SPATA7: variants seen among roughly 807,000 people sequenced by gnomAD.
The protein encoded by SPATA7 is spermatogenesis-associated protein 7.
A neutral mutation model predicts 51.8 loss-of-function variants in SPATA7; 43 were observed. That is an observed-to-expected ratio of 0.83 (90% CI 0.65 to 1.07). The LOEUF is 1.07. Ranked by LOEUF, SPATA7 falls within the 50% of genes least tolerant of loss-of-function variation. The pLI is 0.00. For synonymous variants in SPATA7, 230 were observed against 252.8 expected (o/e 0.91, Z 0.86); for missense variants, 683 against 701.3 (o/e 0.97, Z 0.30).
chr14:88,430,035 A>G (rs1176996583), intron 8 of SPATA7, among the ~76,000 whole-genome samples: 1 of 152,114 alleles, frequency 6.6e-6, no homozygotes, highest in African/African-American at 2.4e-5. Context: ...ATTAAGGAAT[A>G]TTATACATTA....
chr14:88,437,888 A>G lies in SPATA7; in HGVS notation c.1266A>G (p.Thr422=), dbSNP rs370543925. Reference sequence around the variant, plus strand: ...TCCTGAAAGTAGACTTAGGCTGCACATCGGAGGAAAACTCGGTAAAGCAAA... The same window carrying G: ...TCCTGAAAGTAGACTTAGGCTGCACGTCGGAGGAAAACTCGGTAAAGCAAA... ...LHVLKVDLGC[T]SEENSVKQND... The change falls in exon 12 of 12, where the codon ACA becomes ACG. Residue 422 remains threonine (T), a synonymous_variant. Transcript: ENST00000393545. 7 of 1,610,610 alleles carry G rather than the reference A, an allele frequency of 4.3e-6. No individual in the cohort carries two copies. Among genetic ancestry groups the G allele is most frequent in the Admixed American group, 1.7e-5 (1 of 59,616 alleles).
rs760373460 is a variant in SPATA7 at position 88,426,456 on chromosome 14, T to A, written c.597T>A (p.Tyr199Ter). The change falls in exon 6 of 12, where the codon TAT becomes TAA. Residue 199 changes from tyrosine to a stop codon, truncating the protein, a stop_gained. Transcript: ENST00000393545. LOFTEE classifies it high-confidence loss of function. ...GPRKLSSGALYGRRPRSTFPN... is the reference protein window; with the variant it reads ...GPRKLSSGAL Reference sequence around the variant, plus strand: ...GGAAACTGAGCTCTGGAGCCCTGTATGGCAGAAGGCCCAGAAGCACATTCC... The same window carrying A: ...GGAAACTGAGCTCTGGAGCCCTGTAAGGCAGAAGGCCCAGAAGCACATTCC... 1 of 1,614,082 alleles carries A rather than the reference T, an allele frequency of 6.2e-7. No individual in the cohort carries two copies. Among genetic ancestry groups the A allele is most frequent in the Admixed American group, 1.7e-5 (1 of 59,998 alleles).
intron 1 of SPATA7, among the ~76,000 whole-genome samples, chr14:88,390,417 T>C (rs193008381): frequency 5.3e-5 from 8 of 152,210 alleles, no homozygotes; most frequent in Admixed American, 5.2e-4. Context: ...CTTTATAAGG[T>C]TCAGGATGGC....
At position 88,427,643 on chromosome 14, in the gene SPATA7, T is replaced by C. The variant is rs2076833001; in HGVS notation, c.859T>C (p.Leu287=). ...TQTELSFKSE[L]GTAETKNMTD... is the part of the protein sequence containing the mutation. Reference sequence around the variant, plus strand: ...AAATTATTACAGCTTTAAATCTGAGTTGGGGACAGCTGAGACTAAAAACAT... The same window carrying C: ...AAATTATTACAGCTTTAAATCTGAGCTGGGGACAGCTGAGACTAAAAACAT... The change falls in exon 7 of 12, where the codon TTG becomes CTG. Residue 287 remains leucine, a synonymous_variant. Transcript: ENST00000393545. 1 of 1,606,828 alleles carries C rather than the reference T, an allele frequency of 6.2e-7. No individual in the cohort carries two copies. The highest frequency in any genetic ancestry group is 8.5e-7 in the Non-Finnish European group (1 of 1,174,190).
chr14:88,392,512 A>T lies in SPATA7; in HGVS notation c.95-881A>T, dbSNP rs1279271478. On this transcript the variant is annotated intron_variant, in intron 2 of 11. Coordinates refer to ENST00000393545, the MANE Select transcript of SPATA7 (RefSeq NM_018418.5). ...GAACAATGCATGGTAAATGGCATTT[A>T]TTCAGTAAATATTTTTAGTAGTGGC... Among the ~76,000 whole-genome samples the T allele has an allele frequency of 1.2e-4, 19 of 152,216 alleles. 1 individual carries two copies. The highest frequency in any genetic ancestry group is 1.2e-3 in the Admixed American group (18 of 15,286).
At chr14:88,386,386 AAC>A (rs2075577968) in intron 1 of SPATA7, among the ~76,000 whole-genome samples, 1 of 152,198 alleles carries the variant, frequency 6.6e-6, no homozygotes, top group African/African-American at 2.4e-5. Context: ...GGGTTTCTGT[AAC>A]TTTCTGTGAA....
In SPATA7 at chr14:88,469,209, C is replaced by T; in HGVS notation, c.255-638C>T. The T allele has an allele frequency of 1.0e-6, 1 of 990,778 alleles. No individual in the cohort carries two copies. The highest frequency in any genetic ancestry group is 2.6e-5 in the East Asian group (1 of 38,188). 61.4% of individuals were successfully genotyped at this position (990,778 alleles called of 1,614,324 possible). ...GCACTGGGTGCCAGTGAACCAAACCCAACCACAAAGGGACAGTGTGACCCT... is the reference window on the plus strand; with the variant it reads ...GCACTGGGTGCCAGTGAACCAAACCTAACCACAAAGGGACAGTGTGACCCT... On this transcript the variant is annotated intron_variant, in intron 4 of 4. Transcript: ENST00000556406. The surrounding 1 kb of genome is among the most constrained non-coding windows in gnomAD (Gnocchi z 4.3).
At position 88,420,341 on chromosome 14, in the gene SPATA7, G is replaced by A. The variant is rs138760793; in HGVS notation, c.372+3497G>A. Among the ~76,000 whole-genome samples, 441 of 152,220 alleles carry A rather than the reference G, an allele frequency of 2.9e-3. 1 individual carries two copies. Among genetic ancestry groups the A allele is most frequent in the Middle Eastern group, 6.8e-3 (2 of 294 alleles). On this transcript the variant is annotated intron_variant, in intron 5 of 11. Coordinates refer to ENST00000393545, the MANE Select transcript of SPATA7 (RefSeq NM_018418.5). ...ATAACATAATCTTATCAATTTATGTGGCATTCCATGGCATCTTTCCCAAGT... is the reference window on the plus strand; with the variant it reads ...ATAACATAATCTTATCAATTTATGTAGCATTCCATGGCATCTTTCCCAAGT...
At chr14:88,467,491 T>C (rs1473727536) in intron 4 of SPATA7, 1 of 152,234 alleles carries the variant, frequency 6.6e-6, no homozygotes, top group Admixed American at 6.5e-5. Context: ...AAGGTACAAC[T>C]ATATAGAATT....
At chr14:88,455,327 A>T (rs2077277167), downstream of SPATA7, 1 of 228,476 alleles carries the variant, frequency 4.4e-6, no homozygotes, top group Admixed American at 5.0e-5. Flanking sequence ...ATTGGCACCT[A>T]CTAAGGAAAC....
chr14:88,412,942 A>T (rs1315660798), intron 4 of SPATA7, among the ~76,000 whole-genome samples: 1 of 152,160 alleles, frequency 6.6e-6, no homozygotes, highest in African/African-American at 2.4e-5. Flanking sequence ...TAGGTCTTAC[A>T]TTTAAATCTT....
Position 88,437,933 on chromosome 14 carries a change from T to C in SPATA7, c.1311T>C (p.Asn437=), listed in dbSNP as rs1192081318. The C allele has an allele frequency of 8.1e-6, 13 of 1,613,882 alleles. No individual in the cohort carries two copies. The highest frequency in any genetic ancestry group is 1.1e-5 in the Non-Finnish European group (13 of 1,179,930). Residue 437 remains asparagine, a synonymous_variant, in exon 12 of 12, where the codon AAT becomes AAC. Transcript: ENST00000393545. ...SVKQNDVDML[N]VFDFEKAGNS... ...AGCAAAATGATGTTGATATGTTGAA[T>C]GTATTTGATTTTGAAAAGGCTGGGA...
chr14:88,458,512 A>C (rs907464299), downstream of SPATA7, among the ~76,000 whole-genome samples: 2 of 152,184 alleles, frequency 1.3e-5, no homozygotes, highest in Admixed American at 6.5e-5. Flanking sequence ...TTATTTGCTT[A>C]GAGATGTTTA....
At chr14:88,426,132 T>TAAA (rs1265864299) in intron 5 of SPATA7, 100 bp from the exon 6 acceptor site, 1 of 842,444 alleles carries the variant, frequency 1.2e-6, no homozygotes, top group African/African-American at 1.7e-5. Flanking sequence ...GTTAATTTTG[T>TAAA]AAACCCTTGA....
intron 4 of SPATA7, among the ~76,000 whole-genome samples, chr14:88,403,372 A>C (rs964247588): frequency 3.3e-5 from 5 of 152,264 alleles, no homozygotes; most frequent in African/African-American, 1.2e-4. Flanking sequence ...CTGTTCTCCC[A>C]TGTTTGTTAC....
intron 4 of SPATA7, among the ~76,000 whole-genome samples, chr14:88,461,012 TG>T (rs1450103523): frequency 1.3e-5 from 2 of 152,246 alleles, no homozygotes; most frequent in African/African-American, 4.8e-5. Context: ...CAGCAGAGGC[TG>T]CAGAACAGCA....
At chr14:88,462,559 A>T (rs2140063521) in intron 4 of SPATA7, among the ~76,000 whole-genome samples, 1 of 152,358 alleles carries the variant, frequency 6.6e-6, no homozygotes, top group East Asian at 1.9e-4. Flanking sequence ...AACTGAAATT[A>T]AGTAGTAGTC....
At position 88,391,371 on chromosome 14, in the gene SPATA7, T is replaced by G. The variant is rs373685692; in HGVS notation, c.20-10T>G. The G allele has an allele frequency of 1.2e-5, 19 of 1,609,296 alleles. No individual in the cohort carries two copies. Among genetic ancestry groups the G allele is most frequent in the Non-Finnish European group, 1.5e-5 (18 of 1,177,200 alleles). ...TATCCTAATTTATGATTTTTTTTTC[T>G]TGTTAAAAGTCAGAGCAACCTCTGT... On this transcript the variant is annotated splice_polypyrimidine_tract_variant and intron_variant, in intron 1 of 11. Transcript: ENST00000393545.
At chr14:88,465,689 ACATTAATATACT>A (rs2077353760) in intron 4 of SPATA7, 1 of 152,230 alleles carries the variant, frequency 6.6e-6, no homozygotes. Flanking sequence ...AGTTTGGCAG[ACATTAATATACT>A]CATTTCAGAG....
Sources: allele counts gnomAD v4.1 joint callset (sites outside exome capture counted in the v4.1 genomes callset), GRCh38; gene constraint gnomAD v4.1.1; non-coding constraint Gnocchi (gnomAD v3.1); transcripts MANE v1.5; gene names NCBI Gene and HGNC (gene_info 2026-07-23, HGNC 2026-07-21).